Variants in EIF4G3 observed in about 807,000 individuals in gnomAD.
EIF4G3 encodes the protein eukaryotic translation initiation factor 4 gamma 3, also known as eIF-4-gamma 3.
EIF4G3 carries 34 observed loss-of-function variants against 186.4 expected under a neutral mutation model. The ratio of observed to expected loss-of-function variants is 0.18; its 90% CI spans 0.14 to 0.24. The LOEUF (loss-of-function observed/expected upper bound fraction) is 0.24. EIF4G3 is among the 10% of genes least tolerant of loss of function. EIF4G3 has a pLI of 1.00. For synonymous variants in EIF4G3, 673 were observed against 679.5 expected, an observed-to-expected ratio of 0.99 and a Z score of 0.15; for missense variants, 1,536 against 1,948.5, an observed-to-expected ratio of 0.79 and a Z score of 3.99.
At chr1:20,915,636 C>T (rs762239842) in intron 14 of EIF4G3, among the ~76,000 whole-genome samples, 1 of 152,006 alleles carries the variant, frequency 6.6e-6, no homozygotes, top group Non-Finnish European at 1.5e-5. Context: ...GATTTACTAA[C>T]AAATGTAGGA....
At chr1:21,172,314 C>G (rs1396152325) in intron 2 of EIF4G3, among the ~76,000 whole-genome samples, 1 of 152,126 alleles carries the variant, frequency 6.6e-6, no homozygotes, top group Non-Finnish European at 1.5e-5. Flanking sequence ...CTTCCCCAGA[C>G]TACTCTCACA....
At chr1:21,175,964 T>A (rs1398758061) in intron 2 of EIF4G3, 1 of 244,108 alleles carries the variant, frequency 4.1e-6, no homozygotes, top group Non-Finnish European at 7.8e-6. Context: ...GGGGCTAGCT[T>A]TCACAGTATT....
In EIF4G3 at chr1:20,810,748, A is replaced by T; in HGVS notation, c.4734T>A (p.Asp1578Glu). ...YALQASIVKL[D>E]QPANLLRMFF... The stretch of plus-strand genomic sequence containing the variant: ...ATGAGATAAACTTACTGGCAGGTTG[A>T]TCAAGTTTTACTATCGATGCTTGTA... The change falls in exon 36 of 37, where the codon GAT becomes GAA. Residue 1578 changes from aspartate to glutamate, a missense_variant. Around this residue, in one of 11 missense-constraint regions of EIF4G3, gnomAD observed 45 missense variants for 99.1 expected, o/e 0.45. Transcript: ENST00000602326. This position sits in a 1 kb window ranked among gnomAD's most constrained non-coding sequence, Gnocchi z 4.1. 6.2e-7 allele frequency: 1 copy of T among 1,613,574 alleles called. No homozygotes were observed. Among genetic ancestry groups the T allele is most frequent in the Non-Finnish European group, 8.5e-7 (1 of 1,179,512 alleles).
chr1:21,164,857 T>G (rs1181193909), intron 2 of EIF4G3, among the ~76,000 whole-genome samples: 1 of 151,952 alleles, frequency 6.6e-6, no homozygotes, highest in African/African-American at 2.4e-5. Context: ...GAGACAGACC[T>G]CAAGAAAATG....
intron 13 of EIF4G3, among the ~76,000 whole-genome samples, chr1:20,947,856 CAAAA>C (rs1198801260): frequency 2.6e-5 from 4 of 152,044 alleles, no homozygotes; most frequent in Non-Finnish European, 5.9e-5. Context: ...AAAACAAAAA[CAAAA>C]ACCTGAGAGG....
chr1:21,134,884 T>TG (rs1286944239), intron 2 of EIF4G3, among the ~76,000 whole-genome samples: 1 of 152,104 alleles, frequency 6.6e-6, no homozygotes, highest in Non-Finnish European at 1.5e-5. Context: ...GTTTTTTTTT[T>TG]GTTTTATTCT....
chr1:20,910,517 G>C (rs1257227185), intron 14 of EIF4G3, among the ~76,000 whole-genome samples: 1 of 152,164 alleles, frequency 6.6e-6, no homozygotes, highest in Non-Finnish European at 1.5e-5. Context: ...CTGGGAGGTG[G>C]AGGTTGCAGT....
chr1:20,903,393 C>T (rs1035075285), intron 15 of EIF4G3, among the ~76,000 whole-genome samples: 1 of 152,014 alleles, frequency 6.6e-6, no homozygotes, highest in Non-Finnish European at 1.5e-5. Flanking sequence ...TTCAATAATG[C>T]TTAGAAATCC....
intron 14 of EIF4G3, among the ~76,000 whole-genome samples, chr1:20,931,103 G>C (rs1413110078): frequency 1.3e-5 from 2 of 151,940 alleles, no homozygotes; most frequent in African/African-American, 2.4e-5. Flanking sequence ...GAAATGACAA[G>C]CATCCACACA....
At chr1:20,853,470 A>T (rs2073968980) in intron 27 of EIF4G3, 90 bp downstream of exon 27, 1 of 750,276 alleles carries the variant, frequency 1.3e-6, no homozygotes, top group Non-Finnish European at 2.3e-6. Flanking sequence ...TGCATCCATA[A>T]GGATTGCTAT....
intron 29 of EIF4G3, 140 bp from the exon 30 acceptor site, chr1:20,841,168 A>G (rs2068453504): frequency 1.3e-6 from 1 of 791,546 alleles, no homozygotes; most frequent in Non-Finnish European, 1.9e-6. Context: ...ATAAGTTTAT[A>G]TTTGTTTAAC....
intron 19 of EIF4G3, among the ~76,000 whole-genome samples, chr1:20,884,771 A>T (rs1413409142): frequency 2.6e-5 from 4 of 152,110 alleles, no homozygotes; most frequent in Non-Finnish European, 5.9e-5. Context: ...CCTCATCTTC[A>T]TCTTTGTTTT....
At chr1:20,905,083 A>G (rs771393275) in intron 14 of EIF4G3, 112 bp from the exon 15 acceptor site, 1 of 684,694 alleles carries the variant, frequency 1.5e-6, no homozygotes, top group Non-Finnish European at 2.3e-6. Context: ...AACTTTACCT[A>G]TACCAAACAA....
In EIF4G3 at chr1:21,067,137, T is replaced by C. The variant is rs192353195; in HGVS notation, c.-195-16143A>G. Among the ~76,000 whole-genome samples the C allele has an allele frequency of 4.6e-3, 687 of 149,188 alleles. 6 individuals are homozygous for C. The highest frequency in any genetic ancestry group is 0.016 in the African/African-American group (652 of 40,996). On this transcript the variant is annotated intron_variant, in intron 3 of 36. Coordinates refer to ENST00000602326, the MANE Select transcript of EIF4G3 (RefSeq NM_001391906.1). ...TAAGTAATTTTTTTCTTTTCTTTTT[T>C]TTTTTTTTTTTTGAGACGGAGTTTC... is the stretch of plus-strand genomic sequence containing the variant.
chr1:20,899,416 A>C (rs777864006), intron 16 of EIF4G3, among the ~76,000 whole-genome samples: 16 of 152,186 alleles, frequency 1.1e-4, no homozygotes, highest in Non-Finnish European at 2.9e-5. Flanking sequence ...TAATTTTTAA[A>C]ATCAAACTGC....
chr1:20,965,516 A>T (rs188535019), intron 12 of EIF4G3, among the ~76,000 whole-genome samples: 4 of 152,286 alleles, frequency 2.6e-5, no homozygotes, highest in African/African-American at 9.6e-5. Flanking sequence ...TCTAGTTAGT[A>T]ACTAATTGCT....
intron 2 of EIF4G3, among the ~76,000 whole-genome samples, chr1:21,136,936 T>C (rs1426217428): frequency 6.6e-6 from 1 of 152,226 alleles, no homozygotes; most frequent in Admixed American, 6.5e-5. Context: ...TACACTGAAG[T>C]GCAAAGGCTT....
intron 3 of EIF4G3, among the ~76,000 whole-genome samples, chr1:21,059,756 C>A (rs2094789586): frequency 6.6e-6 from 1 of 152,144 alleles, no homozygotes; most frequent in Admixed American, 6.5e-5. Flanking sequence ...TTTGTCAGCA[C>A]TGGGTTTAAT....
At chr1:21,005,831 TTCTAC>T (rs923817601) in intron 4 of EIF4G3, among the ~76,000 whole-genome samples, 1 of 152,200 alleles carries the variant, frequency 6.6e-6, no homozygotes, top group Non-Finnish European at 1.5e-5. Flanking sequence ...TATATAGGCT[TTCTAC>T]TCTAAACAGA....
Sources: gnomAD v4.1 joint callset for allele counts (sites outside exome capture counted in the v4.1 genomes callset) on GRCh38, gnomAD v4.1.1 for gene constraint, gnomAD v4.1.1 regional missense constraint, Gnocchi (gnomAD v3.1) non-coding constraint, MANE v1.5 for transcripts, NCBI Gene and HGNC (gene_info 2026-07-23, HGNC 2026-07-21) for gene names.